DCTN4: variants seen among roughly 807,000 people sequenced by gnomAD.
The protein encoded by DCTN4 is dynactin 4 (p62).
Under a neutral mutation model 62.7 loss-of-function variants are expected in DCTN4, and 23 were observed. That is an observed-to-expected ratio of 0.37 (90% CI 0.26 to 0.52). DCTN4 has a LOEUF of 0.52. Ranked by LOEUF, DCTN4 falls within the 20% of genes least tolerant of loss-of-function variation. The pLI is 0.92. For synonymous variants in DCTN4, 199 were observed against 202.1 expected (o/e 0.98, Z 0.13); for missense variants, 514 against 580.4 (o/e 0.89, Z 1.18).
chr5:150,752,842 T>G (rs1468046973), intron 3 of DCTN4, among the ~76,000 whole-genome samples: 1 of 152,132 alleles, frequency 6.6e-6, no homozygotes, highest in Non-Finnish European at 1.5e-5. Context: ...CAACTATTTT[T>G]CTTAGTTTGT....
At chr5:150,726,780 T>C (rs1410051483) in intron 8 of DCTN4, among the ~76,000 whole-genome samples, 1 of 152,160 alleles carries the variant, frequency 6.6e-6, no homozygotes, top group African/African-American at 2.4e-5. Context: ...AAATAGTCAT[T>C]ACCCAAGTTT....
At position 150,710,543 on chromosome 5, in the gene DCTN4, G is replaced by A. The variant is rs1759521457; in HGVS notation, c.*606C>T. On this transcript the variant is annotated 3_prime_UTR_variant, in exon 13 of 13. Coordinates refer to ENST00000447998, the MANE Select transcript of DCTN4 (RefSeq NM_016221.4). ...ACTTAGAAAAAGAGGGCAAATGAGA[G>A]TGCCTTAACAACTTCACAGGTTTTT... is the stretch of plus-strand genomic sequence containing the variant. 1.3e-5 allele frequency: 2 copies of A among 153,102 alleles called. No homozygotes were observed. The highest frequency in any genetic ancestry group is 2.9e-5 in the Non-Finnish European group (2 of 68,610). 9.5% of individuals were successfully genotyped at this position (153,102 alleles called of 1,614,324 possible). A position where few individuals can be genotyped will look rare whatever the true frequency, so the allele number is the denominator to read the frequency against.
At chr5:150,730,817 G>A (rs1760333253) in intron 7 of DCTN4, 77 bp from the exon 8 acceptor site, 7 of 1,203,936 alleles carry the variant, frequency 5.8e-6, no homozygotes, top group Admixed American at 5.3e-5. Context: ...GTAATTACAC[G>A]AAGCATTACT....
chr5:150,738,943 G>A (rs921082913), intron 4 of DCTN4, among the ~76,000 whole-genome samples: 2 of 152,050 alleles, frequency 1.3e-5, no homozygotes, highest in Non-Finnish European at 2.9e-5. Flanking sequence ...CCTGTAACCC[G>A]AACACTTTGG....
At chr5:150,749,675 A>G (rs1752602115) in intron 3 of DCTN4, among the ~76,000 whole-genome samples, 1 of 151,890 alleles carries the variant, frequency 6.6e-6, no homozygotes. Context: ...AAAAAAATAA[A>G]AATAGTTTGG....
In DCTN4 at chr5:150,758,352, C is replaced by T. The variant is rs144096457; in HGVS notation, c.135+507G>A. The T allele has an allele frequency of 6.6e-5, 65 of 986,614 alleles. 1 individual carries two copies. The African/African-American group carries it at 1.1e-3, about 16-fold the overall frequency. 61.1% of individuals were successfully genotyped at this position (986,614 alleles called of 1,614,324 possible). Reference sequence around the variant, plus strand: ...GCTTTTCACATAACTCACGCCGCCCCAACCTCTTCCCGGCTGCAGGCCTTG... The same window carrying T: ...GCTTTTCACATAACTCACGCCGCCCTAACCTCTTCCCGGCTGCAGGCCTTG... On this transcript the variant is annotated intron_variant, in intron 1 of 12. Transcript: ENST00000447998.
chr5:150,719,989 T>C (rs1323613435), intron 9 of DCTN4, among the ~76,000 whole-genome samples: 4 of 152,156 alleles, frequency 2.6e-5, no homozygotes, highest in Admixed American at 2.0e-4. Context: ...ATATTTCTAG[T>C]TGAAACTGCC....
intron 4 of DCTN4, among the ~76,000 whole-genome samples, chr5:150,739,164 G>C (rs752255183): frequency 6.8e-6 from 1 of 147,758 alleles, no homozygotes; most frequent in Non-Finnish European, 1.5e-5. Flanking sequence ...CTGGCTGACA[G>C]AGAGAGATTT....
intron 8 of DCTN4, among the ~76,000 whole-genome samples, chr5:150,725,979 T>C (rs1289107075): frequency 6.6e-6 from 1 of 152,154 alleles, no homozygotes; most frequent in Non-Finnish European, 1.5e-5. Flanking sequence ...CTTGGCTCAC[T>C]GCAACCTCCG....
chr5:150,758,589 G>A, intron 1 of DCTN4: 2 of 1,193,188 alleles, frequency 1.7e-6, no homozygotes, highest in Non-Finnish European at 2.1e-6. Context: ...CAATTACCAA[G>A]CCCCATCGCA....
rs566718394 is a variant in DCTN4 at position 150,732,016 on chromosome 5, T to C, written c.538-527A>G. ...TTATATGGGAAAATTGGAAGAATAATTCATTTAATTCAAATTCTACCTCTA... is the reference window on the plus strand; with the variant it reads ...TTATATGGGAAAATTGGAAGAATAACTCATTTAATTCAAATTCTACCTCTA... On this transcript the variant is annotated intron_variant, in intron 5 of 12. Transcript: ENST00000447998. The C allele has an allele frequency of 4.4e-6, 4 of 911,272 alleles. No individual in the cohort carries two copies. In the East Asian group the frequency reaches 1.0e-4, roughly 24 times the overall value. 56.4% of individuals were successfully genotyped at this position (911,272 alleles called of 1,614,324 possible).
chr5:150,726,198 T>C (rs922396357), intron 8 of DCTN4, among the ~76,000 whole-genome samples: 7 of 152,144 alleles, frequency 4.6e-5, no homozygotes, highest in African/African-American at 1.7e-4. Flanking sequence ...TATGTGAAAA[T>C]TTAACAATTT....
chr5:150,746,293 A>G (rs1760959522), intron 3 of DCTN4, among the ~76,000 whole-genome samples: 1 of 151,230 alleles, frequency 6.6e-6, no homozygotes, highest in East Asian at 1.9e-4. Flanking sequence ...AATTGAGGCA[A>G]TAATAGCTTA....
chr5:150,758,407 T>C (rs1752940705), intron 1 of DCTN4: 1 of 990,514 alleles, frequency 1.0e-6, no homozygotes, highest in Non-Finnish European at 1.2e-6. Flanking sequence ...CAAGGCAGTC[T>C]GACGAGGGCC....
At chr5:150,734,859 C>T (rs1760518437) in intron 4 of DCTN4, among the ~76,000 whole-genome samples, 1 of 152,186 alleles carries the variant, frequency 6.6e-6, no homozygotes, top group Non-Finnish European at 1.5e-5. Flanking sequence ...AAGCCTGTCA[C>T]TGCTGGCTTT....
At chr5:150,720,378 A>AACAC (rs565506167) in intron 9 of DCTN4, among the ~76,000 whole-genome samples, 9 of 151,974 alleles carry the variant, frequency 5.9e-5, no homozygotes, top group African/African-American at 2.2e-4. Context: ...TCTCAAAAAA[A>AACAC]ACACACACAC....
Position 150,731,065 on chromosome 5 carries a change from T to C in DCTN4, c.703A>G (p.Arg235Gly), listed in dbSNP as rs1164390699. The change falls in exon 7 of 13, where the codon AGA (arginine) becomes GGA (glycine). Residue 235 changes from arginine to glycine, a missense_variant. By Grantham distance (125) the Arg-to-Gly change is moderately radical. Transcript: ENST00000447998. ...VEPLPEDYYT[R>G]PVNLTEVTTL... is the part of the protein sequence containing the mutation. ...TTACCCTCTGTTAAATTTACTGGTCTTGTATAATAGTCTTCAGGTAGAGGT... is the reference window on the plus strand; with the variant it reads ...TTACCCTCTGTTAAATTTACTGGTCCTGTATAATAGTCTTCAGGTAGAGGT... 6.2e-7 allele frequency: 1 copy of C among 1,602,136 alleles called. No individual in the cohort carries two copies. Among genetic ancestry groups the C allele is most frequent in the Non-Finnish European group, 8.5e-7 (1 of 1,169,916 alleles).
intron 3 of DCTN4, 88 bp downstream of exon 3, chr5:150,753,391 C>G: frequency 8.1e-7 from 1 of 1,232,828 alleles, no homozygotes; most frequent in Non-Finnish European, 1.1e-6. Context: ...GCTCCTATCG[C>G]CCCAACGGGT....
chr5:150,756,239 C>T (rs1038098285), intron 2 of DCTN4, among the ~76,000 whole-genome samples, 178 bp downstream of exon 2: 9 of 151,910 alleles, frequency 5.9e-5, no homozygotes, highest in Admixed American at 1.3e-4. Context: ...GATGGGGTTT[C>T]GCCATGTTAG....
Sources: gnomAD v4.1 joint callset for allele counts (sites outside exome capture counted in the v4.1 genomes callset) on GRCh38, gnomAD v4.1.1 for gene constraint, MANE v1.5 for transcripts, NCBI Gene and HGNC (gene_info 2026-07-23, HGNC 2026-07-21) for gene names.